GAB2: variants seen among roughly 807,000 people sequenced by gnomAD.
GAB2 encodes the protein GRB2-associated-binding protein 2.
Under a neutral mutation model 65.5 loss-of-function variants are expected in GAB2, and 26 were observed. That is an observed-to-expected ratio of 0.40 (90% CI 0.29 to 0.55). The LOEUF (loss-of-function observed/expected upper bound fraction) is 0.55, where lower values mean the gene tolerates loss of function less well. Among genes scored for constraint, GAB2 ranks in the 20% least tolerant of loss-of-function variants. GAB2 has a pLI of 0.53. For missense variants in GAB2, 884 were observed against 875.8 expected, an observed-to-expected ratio of 1.01 and a Z score of -0.12; for synonymous variants, 321 against 329.6, an observed-to-expected ratio of 0.97 and a Z score of 0.28.
chr11:78,297,582 G>A (rs1866870343), intron 1 of GAB2, among the ~76,000 whole-genome samples: 1 of 152,064 alleles, frequency 6.6e-6, no homozygotes, highest in Admixed American at 6.6e-5. Context: ...CATAGGTAAA[G>A]GCCCTGAAGA....
chr11:78,320,724 C>G (rs1430004052), intron 1 of GAB2, among the ~76,000 whole-genome samples: 2 of 91,550 alleles, frequency 2.2e-5, no homozygotes, highest in African/African-American at 9.1e-5. Flanking sequence ...ATAATTTTTG[C>G]CTTTTTTTTT....
rs10530509 is a variant in GAB2, at chr11:78,265,203, C to CATATATATATATATATAT, written c.377-14821_377-14804dup. Among the ~76,000 whole-genome samples, 985 of 144,834 alleles carry CATATATATATATATATAT rather than the reference C, an allele frequency of 6.8e-3. 9 individuals carry two copies. The highest frequency in any genetic ancestry group is 0.011 in the Middle Eastern group (3 of 280). On this transcript the variant is annotated intron_variant, in intron 2 of 9. Coordinates refer to ENST00000361507, the MANE Select transcript of GAB2 (RefSeq NM_080491.3). ...TGTAATAAACGGGCCTTCTATACCA[C>CATATATATATATATATAT]ATATATATATATATATATATAAAAG... is the stretch of plus-strand genomic sequence containing the variant.
intron 1 of GAB2, among the ~76,000 whole-genome samples, chr11:78,407,371 C>T (rs144965713): frequency 3.0e-3 from 449 of 152,100 alleles, no homozygotes; most frequent in African/African-American, 0.01. Flanking sequence ...TGGCTCACTC[C>T]TGTAATCCCA....
chr11:78,308,159 GGAGA>G (rs1458824904), intron 1 of GAB2, among the ~76,000 whole-genome samples: 3 of 152,050 alleles, frequency 2.0e-5, no homozygotes, highest in African/African-American at 7.2e-5. Context: ...GTTAAAACAG[GGAGA>G]GAGAGTATAA....
At chr11:78,346,153 C>T (rs968636536) in intron 1 of GAB2, among the ~76,000 whole-genome samples, 1 of 152,148 alleles carries the variant, frequency 6.6e-6, no homozygotes, top group African/African-American at 2.4e-5. Context: ...AAATAACAGG[C>T]AGAATGACTA....
chr11:78,351,250 T>G (rs970366010), intron 1 of GAB2, among the ~76,000 whole-genome samples: 6 of 151,658 alleles, frequency 4.0e-5, no homozygotes, highest in African/African-American at 1.5e-4. Flanking sequence ...ATTTACCCAG[T>G]GGCCTTTTTT....
chr11:78,341,378 G>T lies in GAB2; in HGVS notation c.76-60477C>A, dbSNP rs905910213. On this transcript the variant is annotated intron_variant, in intron 1 of 9. Transcript: ENST00000361507. ...AGGGAATAAGTATAGAATACTAAAT[G>T]CTGGTGTGACAGGAGATACCAATGT... 2.6e-5 allele frequency among the ~76,000 whole-genome samples: 4 copies of T among 152,190 alleles called. No individual in the cohort carries two copies. The South Asian group carries it at 8.3e-4, about 32-fold the overall frequency.
intron 3 of GAB2, among the ~76,000 whole-genome samples, chr11:78,234,125 G>A (rs1271587063): frequency 1.3e-5 from 2 of 152,150 alleles, no homozygotes; most frequent in South Asian, 2.1e-4. Flanking sequence ...CTGTCGCCCA[G>A]GCTGGAGTGC....
intron 1 of GAB2, among the ~76,000 whole-genome samples, chr11:78,309,926 ATGTGTGTGTGTGTGTGTG>A (rs60718900): frequency 1.2e-3 from 166 of 135,706 alleles, no homozygotes; most frequent in African/African-American, 2.5e-3. Context: ...AGGGTTAGAA[ATGTGTGTGTGTGTGTGTG>A]TGTGTGTGTG....
chr11:78,291,148 G>A (rs1267783036), intron 1 of GAB2, among the ~76,000 whole-genome samples: 1 of 151,998 alleles, frequency 6.6e-6, no homozygotes, highest in Admixed American at 6.6e-5. Flanking sequence ...TGTGACAGAA[G>A]AAGGGCTCAA....
At chr11:78,286,890 C>G (rs7107174) in intron 1 of GAB2, among the ~76,000 whole-genome samples, 1 of 151,974 alleles carries the variant, frequency 6.6e-6, no homozygotes, top group East Asian at 1.9e-4. Context: ...AAGGAGAATA[C>G]GGGACATGAG....
chr11:78,338,888 A>T (rs1352659274), intron 1 of GAB2, among the ~76,000 whole-genome samples: 1 of 152,154 alleles, frequency 6.6e-6, no homozygotes, highest in Non-Finnish European at 1.5e-5. Flanking sequence ...ACTGATTCAT[A>T]CATACTGGTC....
intron 1 of GAB2, among the ~76,000 whole-genome samples, chr11:78,306,044 CT>C (rs980200105): frequency 6.6e-6 from 1 of 152,186 alleles, no homozygotes; most frequent in African/African-American, 2.4e-5. Flanking sequence ...ATGCAAACCC[CT>C]ATATTAAAAC....
intron 1 of GAB2, among the ~76,000 whole-genome samples, chr11:78,414,566 T>A (rs1040971849): frequency 6.6e-6 from 1 of 152,216 alleles, no homozygotes; most frequent in African/African-American, 2.4e-5. Context: ...GTGTATGCAT[T>A]TGCATGCACG....
rs555845275 is a variant in GAB2, at chr11:78,216,339, T to G, written c.*2933A>C. The G allele has an allele frequency of 6.6e-6, 1 of 152,230 alleles. No individual in the cohort carries two copies. Among genetic ancestry groups the G allele is most frequent in the African/African-American group, 2.4e-5 (1 of 41,538 alleles). The allele number at this position is 152,230 out of a possible 1,614,324, so 9.4% of individuals were successfully genotyped here. A position where few individuals can be genotyped will look rare whatever the true frequency, so the allele number is the denominator to read the frequency against. On this transcript the variant is annotated 3_prime_UTR_variant, in exon 10 of 10. Coordinates refer to ENST00000361507, the MANE Select transcript of GAB2 (RefSeq NM_080491.3). ...AGGTATCCCCTTTCCGTAGGCTCAG[T>G]CCTCTCCAGGCCCCCAGGAGAGGTG...
In GAB2 at chr11:78,341,402, G is replaced by A. The variant is rs115671358; in HGVS notation, c.76-60501C>T. Among the ~76,000 whole-genome samples the A allele has an allele frequency of 8.7e-3, 1,325 of 152,278 alleles. 20 individuals carry two copies. Among genetic ancestry groups the A allele is most frequent in the African/African-American group, 0.03 (1,259 of 41,558 alleles). On this transcript the variant is annotated intron_variant, in intron 1 of 9. Coordinates refer to ENST00000361507, the MANE Select transcript of GAB2 (RefSeq NM_080491.3). ...TGCTGGTGTGACAGGAGATACCAAT[G>A]TAATCCTCTTGAATAATCATTGCCT...
At chr11:78,359,835 GAT>G (rs1437017092) in intron 1 of GAB2, among the ~76,000 whole-genome samples, 2 of 152,158 alleles carry the variant, frequency 1.3e-5, no homozygotes, top group Non-Finnish European at 2.9e-5. Flanking sequence ...CTTCCCAAAA[GAT>G]ATGCCCATGT....
At position 78,395,162 on chromosome 11, in the gene GAB2, A is replaced by C. The variant is rs533569540; in HGVS notation, c.75+22484T>G. Among the ~76,000 whole-genome samples the C allele has an allele frequency of 4.3e-4, 66 of 152,358 alleles. No individual in the cohort carries two copies. In the South Asian group the frequency reaches 0.013, roughly 30 times the overall value. On this transcript the variant is annotated intron_variant, in intron 1 of 9. Coordinates refer to ENST00000361507, the MANE Select transcript of GAB2 (RefSeq NM_080491.3). ...GAAGAATGGGGAAGAGGAGTAAAAAAAATCAACCAGGCCAGGCGCGGCGGC... is the reference window on the plus strand; with the variant it reads ...GAAGAATGGGGAAGAGGAGTAAAAACAATCAACCAGGCCAGGCGCGGCGGC...
At position 78,226,775 on chromosome 11, in the gene GAB2, G is replaced by C. The variant is rs1232846232; in HGVS notation, c.897C>G (p.Ser299Arg). Reference sequence around the variant, plus strand: ...CCCCGAACTCCCTGCACAGGGTGTTGCTGGGCGTCTTGAAGGTGTACACAT... The same window carrying C: ...CCCCGAACTCCCTGCACAGGGTGTTCCTGGGCGTCTTGAAGGTGTACACAT... The part of the protein sequence containing the change: ...NEDVYTFKTP[S>R]NTLCREFGDL... Residue 299 changes from serine (S) to arginine (R), a missense_variant, in exon 4 of 10, where the codon AGC becomes AGG. Transcript: ENST00000361507. 6.2e-7 allele frequency: 1 copy of C among 1,614,136 alleles called. No homozygotes were observed. The highest frequency in any genetic ancestry group is 8.5e-7 in the Non-Finnish European group (1 of 1,179,968).
Sources: gnomAD v4.1 joint callset for allele counts (sites outside exome capture counted in the v4.1 genomes callset) on GRCh38, gnomAD v4.1.1 for gene constraint, MANE v1.5 for transcripts, NCBI Gene and HGNC (gene_info 2026-07-23, HGNC 2026-07-21) for gene names.